Variants in EXOC4 observed in about 807,000 individuals in gnomAD.
EXOC4 encodes the protein exocyst complex component 4.
Under a neutral mutation model 107.2 loss-of-function variants are expected in EXOC4, and 71 were observed. That is an observed-to-expected ratio of 0.66 (90% CI 0.55 to 0.81). The LOEUF (loss-of-function observed/expected upper bound fraction) is 0.81. EXOC4 is among the 30% of genes least tolerant of loss of function. The probability of loss-of-function intolerance (pLI) is 0.00; values close to 1 mark genes in which losing one functional copy is unlikely to be tolerated. For missense variants in EXOC4, 1,108 were observed against 1,189.6 expected (o/e 0.93, Z 1.01); for synonymous variants, 456 against 441.2 (o/e 1.03, Z -0.42).
At chr7:133,841,187 C>A (rs970377603) in intron 11 of EXOC4, among the ~76,000 whole-genome samples, 1 of 152,132 alleles carries the variant, frequency 6.6e-6, no homozygotes, top group Non-Finnish European at 1.5e-5. Flanking sequence ...GGGCACTAAT[C>A]CCATTTCATG....
chr7:133,870,711 C>G (rs1206562988), intron 11 of EXOC4, among the ~76,000 whole-genome samples: 2 of 152,176 alleles, frequency 1.3e-5, no homozygotes, highest in Admixed American at 6.5e-5. Flanking sequence ...TTTTGTTTAC[C>G]ACTCATGGCC....
chr7:133,281,868 A>G (rs1794161932), intron 2 of EXOC4, among the ~76,000 whole-genome samples: 2 of 152,036 alleles, frequency 1.3e-5, no homozygotes, highest in South Asian at 4.2e-4. Context: ...CACCTGGCTA[A>G]TATTTCTATT....
chr7:133,704,385 C>T (rs1380201780), intron 10 of EXOC4, among the ~76,000 whole-genome samples: 1 of 152,206 alleles, frequency 6.6e-6, no homozygotes, highest in Non-Finnish European at 1.5e-5. Flanking sequence ...ACACCGTAGT[C>T]TTCTGTGACA....
intron 10 of EXOC4, among the ~76,000 whole-genome samples, chr7:133,714,285 C>T (rs1794955145): frequency 6.6e-6 from 1 of 152,186 alleles, no homozygotes; most frequent in Non-Finnish European, 1.5e-5. Flanking sequence ...ACTGTTGCAT[C>T]CTCTTGCTGC....
chr7:133,309,574 T>C (rs1232453257), intron 4 of EXOC4, among the ~76,000 whole-genome samples: 1 of 152,142 alleles, frequency 6.6e-6, no homozygotes, highest in East Asian at 1.9e-4. Flanking sequence ...AATAGGTACA[T>C]GTATATATAT....
At chr7:133,617,343 G>A (rs753152893) in intron 9 of EXOC4, among the ~76,000 whole-genome samples, 48 of 152,094 alleles carry the variant, frequency 3.2e-4, no homozygotes, top group South Asian at 1.2e-3. Flanking sequence ...ATAAAGAGAG[G>A]GTTGCGTGAA....
intron 10 of EXOC4, among the ~76,000 whole-genome samples, chr7:133,785,549 A>G (rs146942197): frequency 6.6e-6 from 1 of 152,344 alleles, no homozygotes; most frequent in Non-Finnish European, 1.5e-5. Flanking sequence ...CACTAAGCAC[A>G]TACTTACTTT....
intron 11 of EXOC4, among the ~76,000 whole-genome samples, chr7:133,837,227 A>G (rs1357294926): frequency 6.6e-6 from 1 of 152,294 alleles, no homozygotes; most frequent in African/African-American, 2.4e-5. Context: ...AAAGAAAAGG[A>G]CTGTCCTCTA....
At chr7:133,993,257 A>G (rs1470556123) in intron 14 of EXOC4, among the ~76,000 whole-genome samples, 1 of 152,154 alleles carries the variant, frequency 6.6e-6, no homozygotes, top group African/African-American at 2.4e-5. Flanking sequence ...AGCGAACAAT[A>G]TGTTCTTTTG....
intron 6 of EXOC4, among the ~76,000 whole-genome samples, chr7:133,362,017 C>G (rs1406063895): frequency 6.6e-6 from 1 of 152,114 alleles, no homozygotes; most frequent in East Asian, 1.9e-4. Context: ...GAACTCTTTA[C>G]ATATATAGGA....
intron 9 of EXOC4, among the ~76,000 whole-genome samples, chr7:133,507,338 A>G (rs778841529): frequency 6.6e-6 from 1 of 152,228 alleles, no homozygotes; most frequent in Non-Finnish European, 1.5e-5. Context: ...TTTTGTTACT[A>G]AGTAGCAACA....
chr7:133,739,408 G>A (rs1055835951), intron 10 of EXOC4, among the ~76,000 whole-genome samples: 2 of 152,160 alleles, frequency 1.3e-5, no homozygotes, highest in African/African-American at 2.4e-5. Flanking sequence ...GGATCATAAA[G>A]TCAGGGAGAG....
chr7:133,540,195 C>T (rs1800352204), intron 9 of EXOC4, among the ~76,000 whole-genome samples: 1 of 152,196 alleles, frequency 6.6e-6, no homozygotes, highest in Non-Finnish European at 1.5e-5. Flanking sequence ...AATGCAATTG[C>T]TTATAGGAGC....
chr7:133,975,745 G>GCACACA (rs57377025), intron 14 of EXOC4, among the ~76,000 whole-genome samples: 2 of 149,996 alleles, frequency 1.3e-5, no homozygotes, highest in Non-Finnish European at 3.0e-5. Context: ...AAATGCGTGT[G>GCACACA]CACACACACA....
chr7:133,419,750 C>T (rs780580932), intron 7 of EXOC4, among the ~76,000 whole-genome samples: 3 of 152,052 alleles, frequency 2.0e-5, no homozygotes, highest in Non-Finnish European at 4.4e-5. Context: ...CAATCCAAAC[C>T]GACTCTTATT....
At chr7:133,778,438 T>C (rs1337351162) in intron 10 of EXOC4, among the ~76,000 whole-genome samples, 1 of 152,108 alleles carries the variant, frequency 6.6e-6, no homozygotes. Flanking sequence ...TAATAAAAAA[T>C]TAGCTGGGCT....
At chr7:133,962,436 G>A (rs886960759) in intron 14 of EXOC4, among the ~76,000 whole-genome samples, 14 of 151,870 alleles carry the variant, frequency 9.2e-5, no homozygotes, top group South Asian at 4.2e-4. Context: ...ACCCTTTACC[G>A]TAGATGACAC....
chr7:133,377,353 CAAATAAATAAAT>C (rs541363839), intron 7 of EXOC4, among the ~76,000 whole-genome samples: 1 of 151,572 alleles, frequency 6.6e-6, no homozygotes, highest in East Asian at 1.9e-4. Context: ...GACTCAATCT[CAAATAAATAAAT>C]AAATAAATAA....
chr7:133,572,365 G>C (rs1187325831), intron 9 of EXOC4, among the ~76,000 whole-genome samples: 2 of 152,026 alleles, frequency 1.3e-5, no homozygotes, highest in Admixed American at 1.3e-4. Flanking sequence ...GTGAATAATT[G>C]AACAGGCTAA....
Sources: gnomAD v4.1 joint callset for allele counts (sites outside exome capture counted in the v4.1 genomes callset) on GRCh38, gnomAD v4.1.1 for gene constraint, MANE v1.5 for transcripts, NCBI Gene and HGNC (gene_info 2026-07-23, HGNC 2026-07-21) for gene names.